MMP9: variants seen among roughly 807,000 people sequenced by gnomAD.
The protein encoded by MMP9 is matrix metalloproteinase-9.
MMP9 carries 73 observed loss-of-function variants against 76.4 expected under a neutral mutation model. The ratio of observed to expected loss-of-function variants is 0.96; its 90% CI spans 0.79 to 1.16. The LOEUF (loss-of-function observed/expected upper bound fraction) is 1.16, where lower values mean the gene tolerates loss of function less well. Among genes scored for constraint, MMP9 ranks in the 50% most tolerant of loss-of-function variants. The probability of loss-of-function intolerance (pLI) is 0.00; values close to 1 mark genes in which losing one functional copy is unlikely to be tolerated. For missense variants in MMP9, 943 were observed against 973.0 expected, an observed-to-expected ratio of 0.97 and a Z score of 0.41; for synonymous variants, 412 against 408.4, an observed-to-expected ratio of 1.01 and a Z score of -0.11.
chr20:46,009,986 G>A lies in MMP9; in HGVS notation c.259G>A (p.Asp87Asn), dbSNP rs2084264785. Residue 87 changes from aspartate to asparagine, a missense_variant, in exon 2 of 13, where the codon GAT becomes AAT. Transcript: ENST00000372330. ...GTCCCTGCCCGAGACCGGTGAGCTG[G>A]ATAGCGCCACGCTGAAGGCCATGCG... ...QLSLPETGEL[D>N]SATLKAMRTP... 1 of 1,551,800 alleles carries A rather than the reference G, an allele frequency of 6.4e-7. No individual in the cohort carries two copies. Among genetic ancestry groups the A allele is most frequent in the Non-Finnish European group, 8.7e-7 (1 of 1,147,030 alleles).
intron 12 of MMP9, 121 bp downstream of exon 12, chr20:46,014,595 A>G: frequency 9.3e-7 from 1 of 1,069,910 alleles, no homozygotes; most frequent in Non-Finnish European, 1.4e-6. Context: ...CAGCACAGAC[A>G]AGATCCCAGC....
At chr20:46,009,145 AG>A (rs1241986386) in intron 1 of MMP9, 81 bp downstream of exon 1, 1 of 1,470,528 alleles carries the variant, frequency 6.8e-7, no homozygotes, top group African/African-American at 1.4e-5. Flanking sequence ...AGGGCCTCAG[AG>A]GAGATGCTTT....
rs984538590 is a variant in MMP9, at chr20:46,011,189, C to T, written c.696C>T (p.Phe232=). The T allele has an allele frequency of 2.5e-6, 4 of 1,614,158 alleles. No homozygotes were observed. Among genetic ancestry groups the T allele is most frequent in the Non-Finnish European group, 1.7e-6 (2 of 1,180,052 alleles). The part of the protein sequence containing the change: ...FGNADGAACH[F]PFIFEGRSYS... ...ACGCAGATGGCGCGGCCTGCCACTTCCCCTTCATCTTCGAGGGCCGCTCCT... is the reference window on the plus strand; with the variant it reads ...ACGCAGATGGCGCGGCCTGCCACTTTCCCTTCATCTTCGAGGGCCGCTCCT... The change falls in exon 5 of 13, where the codon TTC becomes TTT. Residue 232 remains phenylalanine (F), a synonymous_variant. Coordinates refer to ENST00000372330, the MANE Select transcript of MMP9 (RefSeq NM_004994.3).
Position 46,009,076 on chromosome 20 carries a change from C to A in MMP9, c.138+12C>A. On this transcript the variant is annotated intron_variant, in intron 1 of 12. Transcript: ENST00000372330. ...GGCAGCTGGCAGAGGTGGGCAAACA[C>A]CTAGTCTAGAGTTGGGGAGGGCTGT... The A allele has an allele frequency of 6.2e-7, 1 of 1,612,900 alleles. No individual in the cohort carries two copies. Among genetic ancestry groups the A allele is most frequent in the Non-Finnish European group, 8.5e-7 (1 of 1,179,476 alleles).
Position 46,011,148 on chromosome 20 carries a change from C to A in MMP9, c.655C>A (p.Pro219Thr). The change falls in exon 5 of 13, where the codon CCA becomes ACA. Residue 219 changes from proline to threonine, a missense_variant. Pro to Thr is a conservative substitution (Grantham distance 38, BLOSUM62 -1). Transcript: ENST00000372330. ...GGTCCCCCCTCCTCCTGCAGTGGTT[C>A]CAACTCGGTTTGGAAACGCAGATGG... ...LWSLGKGVVV[P>T]TRFGNADGAA... 1 of 1,614,132 alleles carries A rather than the reference C, an allele frequency of 6.2e-7. No individual in the cohort carries two copies. The highest frequency in any genetic ancestry group is 8.5e-7 in the Non-Finnish European group (1 of 1,180,032).
chr20:46,012,620 G>A, intron 8 of MMP9, 38 bp downstream of exon 8: 1 of 1,611,122 alleles, frequency 6.2e-7, no homozygotes, highest in Non-Finnish European at 8.5e-7. Context: ...GAGGGGAAAG[G>A]GCGTGGCTGT....
At chr20:46,012,669 A>C in intron 8 of MMP9, 87 bp downstream of exon 8, 11 of 1,414,486 alleles carry the variant, frequency 7.8e-6, no homozygotes, top group Non-Finnish European at 1.1e-5. Flanking sequence ...GGATCGGGGG[A>C]GGAACGGGGC....
chr20:46,010,722 C>T, intron 3 of MMP9, 91 bp downstream of exon 3: 4 of 1,545,844 alleles, frequency 2.6e-6, no homozygotes, highest in Non-Finnish European at 3.5e-6. Context: ...GTGGCCCCGG[C>T]TTCCTCTTGC....
rs1190289131 is a variant in MMP9, at chr20:46,016,474, G to C, written c.*106G>C. On this transcript the variant is annotated 3_prime_UTR_variant, in exon 13 of 13. Coordinates refer to ENST00000372330, the MANE Select transcript of MMP9 (RefSeq NM_004994.3). ...AACTGGTATTCTGTTCTGGAGGAAAGGGAGGAGTGGAGGTGGGCTGGGCCC... is the reference window on the plus strand; with the variant it reads ...AACTGGTATTCTGTTCTGGAGGAAACGGAGGAGTGGAGGTGGGCTGGGCCC... The C allele has an allele frequency of 4.3e-6, 4 of 930,916 alleles. No individual in the cohort carries two copies. Among genetic ancestry groups the C allele is most frequent in the Non-Finnish European group, 7.1e-6 (4 of 566,004 alleles). 57.7% of individuals were successfully genotyped at this position (930,916 alleles called of 1,614,324 possible). A position where few individuals can be genotyped will look rare whatever the true frequency, so the allele number is the denominator to read the frequency against.
Position 46,012,522 on chromosome 20 carries a change from C to T in MMP9, c.1270C>T (p.Arg424Cys), listed in dbSNP as rs371768001. 7 of 1,613,860 alleles carry T rather than the reference C, an allele frequency of 4.3e-6. No homozygotes were observed. The African/African-American group carries it at 6.7e-5, about 15-fold the overall frequency. Residue 424 changes from arginine (R) to cysteine (C), a missense_variant, in exon 8 of 13, where the codon CGC becomes TGC. By Grantham distance (180) the Arg-to-Cys change is radical. Transcript: ENST00000372330. ...GGAGGCGCTCATGTACCCTATGTAC[C>T]GCTTCACTGAGGGGCCCCCCTTGCA... ...VPEALMYPMY[R>C]FTEGPPLHKD...
At chr20:46,009,140 C>T in intron 1 of MMP9, 76 bp downstream of exon 1, 3 of 1,495,502 alleles carry the variant, frequency 2.0e-6, no homozygotes, top group Non-Finnish European at 9.2e-7. Flanking sequence ...GATGCAGGGC[C>T]TCAGAGGAGA....
Position 46,013,769 on chromosome 20 carries a change from C to G in MMP9, c.1723C>G (p.Leu575Val). 6.2e-7 allele frequency: 1 copy of G among 1,613,304 alleles called. No individual in the cohort carries two copies. Among genetic ancestry groups the G allele is most frequent in the Non-Finnish European group, 8.5e-7 (1 of 1,180,012 alleles). The change falls in exon 10 of 13, where the codon CTC becomes GTC. Residue 575 changes from leucine to valine, a missense_variant. By Grantham distance (32) the Leu-to-Val change is conservative (BLOSUM62 1). Transcript: ENST00000372330. This position sits in a 1 kb window ranked among gnomAD's most constrained non-coding sequence, Gnocchi z 4.5. ...RKLDSVFEER[L>V]SKKLFFFSGR... ...GCTGGACTCGGTCTTTGAGGAGCGG[C>G]TCTCCAAGAAGCTTTTCTTCTTCTC...
At position 46,014,212 on chromosome 20, in the gene MMP9, G is replaced by T. The variant is rs1223479795; in HGVS notation, c.1839G>T (p.Val613=). The T allele has an allele frequency of 1.3e-6, 2 of 1,538,020 alleles. No individual in the cohort carries two copies. Among genetic ancestry groups the T allele is most frequent in the Non-Finnish European group, 1.7e-6 (2 of 1,144,274 alleles). Residue 613 remains valine, a synonymous_variant, in exon 11 of 13, where the codon GTG becomes GTT. Transcript: ENST00000372330. Reference sequence around the variant, plus strand: ...GCCTGGGAGCCGACGTGGCCCAGGTGACCGGGGCCCTCCGGAGTGGCAGGG... The same window carrying T: ...GCCTGGGAGCCGACGTGGCCCAGGTTACCGGGGCCCTCCGGAGTGGCAGGG... ...KLGLGADVAQ[V]TGALRSGRGK...
intron 5 of MMP9, 36 bp from the exon 6 acceptor site, chr20:46,011,538 G>C (rs184268472): frequency 1.2e-6 from 2 of 1,612,840 alleles, no homozygotes; most frequent in East Asian, 2.2e-5. Flanking sequence ...TGCTGTCTCC[G>C]CCTTCTCCCC....
Position 46,014,425 on chromosome 20 carries a change from G to C in MMP9, c.1956G>C (p.Arg652=). The C allele has an allele frequency of 6.4e-7, 1 of 1,550,452 alleles. No individual in the cohort carries two copies. The highest frequency in any genetic ancestry group is 8.7e-7 in the Non-Finnish European group (1 of 1,146,986). The change falls in exon 12 of 13, where the codon CGG becomes CGC. Residue 652 remains arginine (R), a synonymous_variant. Coordinates refer to ENST00000372330, the MANE Select transcript of MMP9 (RefSeq NM_004994.3). ...VDPRSASEVD[R]MFPGVPLDTH... ...CCCGGAGCGCCAGCGAGGTGGACCG[G>C]ATGTTCCCCGGGGTGCCTTTGGACA...
intron 2 of MMP9, 32 bp downstream of exon 2, chr20:46,010,130 G>T: frequency 6.7e-7 from 1 of 1,495,004 alleles, no homozygotes; most frequent in South Asian, 1.2e-5. Flanking sequence ...AGCGGGGTGG[G>T]GCGGGGAGGC....
chr20:46,011,534 C>T (rs199856055), intron 5 of MMP9, 40 bp from the exon 6 acceptor site: 2 of 1,612,034 alleles, frequency 1.2e-6, no homozygotes, highest in East Asian at 4.5e-5. Flanking sequence ...AATGTGCTGT[C>T]TCCGCCTTCT....
rs1311674897 is a variant in MMP9 at position 46,009,035 on chromosome 20, A to G, written c.109A>G (p.Thr37Ala). 38 of 1,613,706 alleles carry G rather than the reference A, an allele frequency of 2.4e-5. No homozygotes were observed. Among genetic ancestry groups the G allele is most frequent in the Non-Finnish European group, 3.1e-5 (36 of 1,179,916 alleles). ...TGTGCTCTTCCCTGGAGACCTGAGA[A>G]CCAATCTCACCGACAGGCAGCTGGC... ...TLVLFPGDLR[T>A]NLTDRQLAEE... The change falls in exon 1 of 13, where the codon ACC (threonine) becomes GCC (alanine). Residue 37 changes from threonine (T) to alanine (A), a missense_variant. Thr to Ala is a moderately conservative substitution (Grantham distance 58, BLOSUM62 0). Coordinates refer to ENST00000372330, the MANE Select transcript of MMP9 (RefSeq NM_004994.3).
rs775983105 is a variant in MMP9, at chr20:46,012,190, T to C, written c.1051T>C (p.Phe351Leu). ...GGCGGGGGAGCTGTGCGTCTTCCCCTTCACTTTCCTGGGTAAGGAGTACTC... is the reference window on the plus strand; with the variant it reads ...GGCGGGGGAGCTGTGCGTCTTCCCCCTCACTTTCCTGGGTAAGGAGTACTC... ...NSAGELCVFPFTFLGKEYSTC... is the reference protein window; with the variant it reads ...NSAGELCVFPLTFLGKEYSTC... Residue 351 changes from phenylalanine to leucine, a missense_variant, in exon 7 of 13, where the codon TTC (phenylalanine) becomes CTC (leucine). Phe to Leu is a conservative substitution (Grantham distance 22). Coordinates refer to ENST00000372330, the MANE Select transcript of MMP9 (RefSeq NM_004994.3). 1 of 1,614,136 alleles carries C rather than the reference T, an allele frequency of 6.2e-7. No individual in the cohort carries two copies. The highest frequency in any genetic ancestry group is 8.5e-7 in the Non-Finnish European group (1 of 1,180,032).
Sources: allele counts gnomAD v4.1 joint callset, GRCh38; gene constraint gnomAD v4.1.1; non-coding constraint Gnocchi (gnomAD v3.1); transcripts MANE v1.5; gene names NCBI Gene and HGNC (gene_info 2026-07-23, HGNC 2026-07-21).